Variants in FLNB observed in about 807,000 individuals in gnomAD.
FLNB encodes the protein filamin-B.
Under a neutral mutation model 250.6 loss-of-function variants are expected in FLNB, and 111 were observed. That is an observed-to-expected ratio of 0.44 (90% CI 0.38 to 0.52). The LOEUF is 0.52. Among genes scored for constraint, FLNB ranks in the 20% least tolerant of loss-of-function variants. The pLI is 0.00. For synonymous variants in FLNB, 1,302 were observed against 1,372.1 expected (o/e 0.95, Z 1.13); for missense variants, 2,869 against 3,447.8 (o/e 0.83, Z 4.20).
At chr3:58,151,921 CCTT>C (rs1344759349) in intron 38 of FLNB, among the ~76,000 whole-genome samples, 4 of 152,216 alleles carry the variant, frequency 2.6e-5, no homozygotes, top group South Asian at 2.1e-4. Context: ...GGCTGTCTCT[CCTT>C]CTCACTTTGG....
At chr3:58,150,309 G>T in intron 38 of FLNB, 82 bp downstream of exon 38, 2 of 1,522,848 alleles carry the variant, frequency 1.3e-6, no homozygotes, top group Admixed American at 3.3e-5. Context: ...CCAAGTTTAG[G>T]CATGGCCCAG....
At chr3:58,150,640 G>A in intron 38 of FLNB, 1 of 293,766 alleles carries the variant, frequency 3.4e-6, no homozygotes, top group South Asian at 3.5e-5. Flanking sequence ...CCTGAAATTA[G>A]AACGAGGGCT....
At chr3:58,147,029 G>A in intron 34 of FLNB, 36 bp downstream of exon 34, 3 of 1,610,378 alleles carry the variant, frequency 1.9e-6, no homozygotes, top group Non-Finnish European at 2.5e-6. Context: ...TTCCTCGTGG[G>A]AAGTATGGCT....
chr3:58,013,779 T>C (rs1247134054), intron 1 of FLNB, among the ~76,000 whole-genome samples: 2 of 152,212 alleles, frequency 1.3e-5, no homozygotes, highest in Non-Finnish European at 2.9e-5. Flanking sequence ...GCTGAGATCA[T>C]GCCATTGCAC....
At chr3:58,015,007 G>A (rs1032515040) in intron 1 of FLNB, among the ~76,000 whole-genome samples, 1 of 152,286 alleles carries the variant, frequency 6.6e-6, no homozygotes, top group Admixed American at 6.5e-5. Flanking sequence ...GATTACAGGC[G>A]TGAGCCACCG....
At chr3:58,128,791 C>T (rs1234887695) in intron 24 of FLNB, among the ~76,000 whole-genome samples, 1 of 152,094 alleles carries the variant, frequency 6.6e-6, no homozygotes, top group African/African-American at 2.4e-5. Flanking sequence ...CCCCTGTGGC[C>T]GACCTGTGAG....
Position 58,171,283 on chromosome 3 carries a change from A to T in FLNB, c.*521A>T, listed in dbSNP as rs1479826223. The T allele has an allele frequency of 6.0e-6, 1 of 167,902 alleles. No homozygotes were observed. The highest frequency in any genetic ancestry group is 2.4e-5 in the African/African-American group (1 of 41,554). The allele number at this position is 167,902 out of a possible 1,614,324, so 10.4% of individuals were successfully genotyped here. A position where few individuals can be genotyped will look rare whatever the true frequency, so the allele number is the denominator to read the frequency against. ...CACTAGCACTGCTTTACCGCTCCTCATCGCCAACACCCCCATGCTCTGTGG... is the reference window on the plus strand; with the variant it reads ...CACTAGCACTGCTTTACCGCTCCTCTTCGCCAACACCCCCATGCTCTGTGG... On this transcript the variant is annotated 3_prime_UTR_variant, in exon 46 of 46. Transcript: ENST00000295956. This position sits in a 1 kb window ranked among gnomAD's most constrained non-coding sequence, Gnocchi z 5.5.
intron 1 of FLNB, among the ~76,000 whole-genome samples, chr3:58,047,840 A>G (rs2106827157): frequency 6.6e-6 from 1 of 152,202 alleles, no homozygotes; most frequent in East Asian, 1.9e-4. Context: ...CTAGGATTAC[A>G]GGAGTGAGCC....
chr3:58,082,151 T>G (rs940130109), intron 4 of FLNB, among the ~76,000 whole-genome samples: 2 of 152,154 alleles, frequency 1.3e-5, no homozygotes, highest in African/African-American at 4.8e-5. Context: ...CTCCTTCTGT[T>G]ACACTAAGCC....
intron 29 of FLNB, among the ~76,000 whole-genome samples, chr3:58,138,887 T>A (rs2097321369): frequency 6.6e-6 from 1 of 152,240 alleles, no homozygotes; most frequent in African/African-American, 2.4e-5. Flanking sequence ...AGCTCTTCCT[T>A]CTTCCATCTT....
chr3:58,138,173 G>A, intron 28 of FLNB, 109 bp from the exon 29 acceptor site: 3 of 1,422,084 alleles, frequency 2.1e-6, no homozygotes, highest in Non-Finnish European at 3.0e-6. Context: ...GGCAGCAGTT[G>A]GAGGCCTAAC....
intron 42 of FLNB, among the ~76,000 whole-genome samples, chr3:58,160,331 A>G (rs192314030): frequency 9.2e-5 from 14 of 152,328 alleles, no homozygotes; most frequent in African/African-American, 3.4e-4. Flanking sequence ...GTGCCTTGGT[A>G]TATGGAATTC....
rs138508610 is a variant in FLNB at position 58,115,448 on chromosome 3, G to A, written c.2745+3130G>A. On this transcript the variant is annotated intron_variant, in intron 18 of 45. Transcript: ENST00000295956. The stretch of plus-strand genomic sequence containing the variant: ...AAGTAAGTTGCAGATATCAGGACAG[G>A]GTCAGGGTTTGACCTGCATCCTTGG... Among the ~76,000 whole-genome samples the A allele has an allele frequency of 3.8e-3, 578 of 152,270 alleles. 2 individuals carry two copies. The highest frequency in any genetic ancestry group is 6.2e-3 in the Non-Finnish European group (425 of 68,024).
At chr3:58,020,544 G>C (rs572431842) in intron 1 of FLNB, among the ~76,000 whole-genome samples, 47 of 152,238 alleles carry the variant, frequency 3.1e-4, no homozygotes, top group Non-Finnish European at 5.6e-4. Context: ...GAAAGGTCTG[G>C]GTGTTAACAC....
chr3:58,122,168 CA>C (rs546747097), intron 20 of FLNB, among the ~76,000 whole-genome samples: 28,215 of 65,864 alleles, frequency 0.43, 4,143 homozygotes, highest in East Asian at 0.83. Context: ...GACTCCGTCT[CA>C]AAAAAAAAAA....
chr3:58,026,813 G>A (rs965056003), intron 1 of FLNB, among the ~76,000 whole-genome samples: 5 of 152,312 alleles, frequency 3.3e-5, no homozygotes, highest in Non-Finnish European at 4.4e-5. Flanking sequence ...GCCATCTCTG[G>A]TGTAGCCAGG....
chr3:58,167,215 C>T (rs1368225533), intron 43 of FLNB, among the ~76,000 whole-genome samples: 1 of 152,218 alleles, frequency 6.6e-6, no homozygotes, highest in Non-Finnish European at 1.5e-5. Flanking sequence ...TGCTCACCTC[C>T]CGCTTCTTCC....
intron 44 of FLNB, 48 bp downstream of exon 44, chr3:58,168,706 G>A (rs1013873399): frequency 2.2e-6 from 3 of 1,351,372 alleles, no homozygotes; most frequent in Non-Finnish European, 3.2e-6. Context: ...TGGGGAGCTG[G>A]TTGTGTCAGA....
At chr3:58,132,528 C>G (rs921247874) in intron 25 of FLNB, 5 of 517,466 alleles carry the variant, frequency 9.7e-6, no homozygotes, top group African/African-American at 9.6e-5. Flanking sequence ...CACCCTCCAG[C>G]AGCAAGCACA....
Sources: allele counts gnomAD v4.1 joint callset (sites outside exome capture counted in the v4.1 genomes callset), GRCh38; gene constraint gnomAD v4.1.1; non-coding constraint Gnocchi (gnomAD v3.1); transcripts MANE v1.5; gene names NCBI Gene and HGNC (gene_info 2026-07-23, HGNC 2026-07-21).